The following FBXO25 variants were observed in gnomAD, a reference collection of about 807,000 sequenced individuals.
FBXO25 encodes F-box only protein 25.
A neutral mutation model predicts 51.9 loss-of-function variants in FBXO25; 45 were observed. The ratio of observed to expected loss-of-function variants is 0.87; its 90% confidence interval spans 0.68 to 1.11. The LOEUF is 1.11. Among genes scored for constraint, FBXO25 ranks in the 50% most tolerant of loss-of-function variants. The pLI is 0.00. For missense variants in FBXO25, 507 were observed against 428.5 expected (o/e 1.18, Z -1.62); for synonymous variants, 199 against 151.0 (o/e 1.32, Z -2.33).
At position 469,761 on chromosome 8, in the gene FBXO25, T is replaced by C. The variant is rs1800416545; in HGVS notation, c.*957T>C. The C allele has an allele frequency of 6.6e-6, 1 of 152,218 alleles. No individual in the cohort carries two copies. The highest frequency in any genetic ancestry group is 6.5e-5 in the Admixed American group (1 of 15,284). 9.4% of individuals were successfully genotyped at this position (152,218 alleles called of 1,614,324 possible). A position where few individuals can be genotyped will look rare whatever the true frequency, so the allele number is the denominator to read the frequency against. On this transcript the variant is annotated 3_prime_UTR_variant, in exon 10 of 10. Transcript: ENST00000350302. ...AAAAATCCCCTCAGCAGGCATAGGA[T>C]AGAAACGTATTGTTGTATATTTCCA...
At chr8:466,695 C>T (rs55753702) in intron 9 of FBXO25, among the ~76,000 whole-genome samples, 35,830 of 151,940 alleles carry the variant, frequency 0.24, 4,289 homozygotes, top group Middle Eastern at 0.33. Context: ...TGCTGTGGAG[C>T]CACTTCATCT....
In FBXO25 at chr8:469,074, A is replaced by G. The variant is rs950087501; in HGVS notation, c.*270A>G. 3.8e-5 allele frequency: 13 copies of G among 343,506 alleles called. No homozygotes were observed. The highest frequency in any genetic ancestry group is 8.5e-5 in the South Asian group (1 of 11,710). 21.3% of individuals were successfully genotyped at this position (343,506 alleles called of 1,614,324 possible). ...TTGCGTACTCTCTCTCTCTATATAT[A>G]TAGTTCAAAAATACTTTAGGTGGTC... is the stretch of plus-strand genomic sequence containing the variant. On this transcript the variant is annotated 3_prime_UTR_variant, in exon 10 of 10. Transcript: ENST00000350302.
rs530217681 is a variant in FBXO25 at position 475,854 on chromosome 8, T to G, written c.*7050T>G. On this transcript the variant is annotated 3_prime_UTR_variant, in exon 10 of 10. Coordinates refer to ENST00000350302, the MANE Select transcript of FBXO25 (RefSeq NM_183420.2). Reference sequence around the variant, plus strand: ...TCATCTGCAAACAGATAATTTTGCTTCTTCCTTTCCAGTCTGGATGCCTTT... The same window carrying G: ...TCATCTGCAAACAGATAATTTTGCTGCTTCCTTTCCAGTCTGGATGCCTTT... 2.5e-4 allele frequency: 38 copies of G among 152,302 alleles called. No homozygotes were observed. Among genetic ancestry groups the G allele is most frequent in the African/African-American group, 8.9e-4 (37 of 41,580 alleles). The allele number at this position is 152,302 out of a possible 1,614,324, so 9.4% of individuals were successfully genotyped here. A position where few individuals can be genotyped will look rare whatever the true frequency, so the allele number is the denominator to read the frequency against.
At chr8:410,547 C>G (rs1796426591) in intron 1 of FBXO25, among the ~76,000 whole-genome samples, 1 of 152,048 alleles carries the variant, frequency 6.6e-6, no homozygotes, top group African/African-American at 2.4e-5. Flanking sequence ...TTTTATGAGA[C>G]TCAAGGTGCC....
In FBXO25 at chr8:419,874, A is replaced by G. The variant is rs574690449; in HGVS notation, c.134+6661A>G. On this transcript the variant is annotated intron_variant, in intron 2 of 9. Transcript: ENST00000350302. ...ACATTTGTAAGTCACATATCTGACAAAGGGTTAGTATCCAGAATAATAAAG... is the reference window on the plus strand; with the variant it reads ...ACATTTGTAAGTCACATATCTGACAGAGGGTTAGTATCCAGAATAATAAAG... 2.9e-4 allele frequency among the ~76,000 whole-genome samples: 44 copies of G among 152,288 alleles called. No homozygotes were observed. The South Asian group carries it at 7.5e-3, about 26-fold the overall frequency.
At chr8:414,550 A>G (rs912921617) in intron 2 of FBXO25, among the ~76,000 whole-genome samples, 43 of 152,222 alleles carry the variant, frequency 2.8e-4, no homozygotes, top group Non-Finnish European at 1.0e-4. Flanking sequence ...TTTTTCCCTC[A>G]TGTATTCTTT....
chr8:440,924 T>G (rs1425318852), intron 5 of FBXO25, among the ~76,000 whole-genome samples: 1 of 145,610 alleles, frequency 6.9e-6, no homozygotes, highest in African/African-American at 2.6e-5. Flanking sequence ...AACTCATCCT[T>G]TTTTATGACT....
chr8:460,126 T>G (rs1799712963), intron 8 of FBXO25, among the ~76,000 whole-genome samples: 1 of 152,106 alleles, frequency 6.6e-6, no homozygotes, highest in Admixed American at 6.6e-5. Flanking sequence ...TGCCTCCCAG[T>G]TTGCCCTGGG....
At chr8:461,838 A>C (rs62483136) in intron 8 of FBXO25, among the ~76,000 whole-genome samples, 2 of 152,160 alleles carry the variant, frequency 1.3e-5, no homozygotes, top group African/African-American at 4.8e-5. Context: ...TCAGAGCTTC[A>C]TTCAAGACTG....
chr8:468,658 C>G lies in FBXO25; in HGVS notation c.988-57C>G, dbSNP rs964293837. The G allele has an allele frequency of 3.6e-5, 49 of 1,379,332 alleles. No homozygotes were observed. The African/African-American group carries it at 6.1e-4, about 17-fold the overall frequency. The allele number at this position is 1,379,332 out of a possible 1,614,324, so 85.4% of individuals were successfully genotyped here. ...CAGCTGACGACCCCTCAAGCACCATCACTAGAGTGTGGCTGGTGGTGGGGC... is the reference window on the plus strand; with the variant it reads ...CAGCTGACGACCCCTCAAGCACCATGACTAGAGTGTGGCTGGTGGTGGGGC... On this transcript the variant is annotated intron_variant, in intron 9 of 9. Coordinates refer to ENST00000350302, the MANE Select transcript of FBXO25 (RefSeq NM_183420.2).
rs1330848486 is a variant in FBXO25, at chr8:476,908, C to G, written c.*8104C>G. ...TGTAAATTTAGGGTTGACTTGAGATCTTAATTTGTTTAATAGGTGTATTTA... is the reference window on the plus strand; with the variant it reads ...TGTAAATTTAGGGTTGACTTGAGATGTTAATTTGTTTAATAGGTGTATTTA... On this transcript the variant is annotated 3_prime_UTR_variant, in exon 10 of 10. Transcript: ENST00000350302. The G allele has an allele frequency of 6.6e-6, 1 of 152,046 alleles. No homozygotes were observed. The highest frequency in any genetic ancestry group is 6.6e-5 in the Admixed American group (1 of 15,252). 9.4% of individuals were successfully genotyped at this position (152,046 alleles called of 1,614,324 possible).
chr8:424,706 GT>G (rs1797367293), intron 2 of FBXO25, among the ~76,000 whole-genome samples: 1 of 152,252 alleles, frequency 6.6e-6, no homozygotes, highest in Non-Finnish European at 1.5e-5. Context: ...TTTCTGTTCT[GT>G]TCATTGGTCT....
Position 475,301 on chromosome 8 carries a change from A to C in FBXO25, c.*6497A>C, listed in dbSNP as rs886071247. On this transcript the variant is annotated 3_prime_UTR_variant, in exon 10 of 10. Coordinates refer to ENST00000350302, the MANE Select transcript of FBXO25 (RefSeq NM_183420.2). Reference sequence around the variant, plus strand: ...TTGCTATTCTGTTCCATTGGTCTACATGACTGTCTTTGTTTCAATACAACA... The same window carrying C: ...TTGCTATTCTGTTCCATTGGTCTACCTGACTGTCTTTGTTTCAATACAACA... The C allele has an allele frequency of 4.3e-5, 8 of 185,642 alleles. No individual in the cohort carries two copies. The highest frequency in any genetic ancestry group is 1.7e-4 in the African/African-American group (7 of 41,694). The allele number at this position is 185,642 out of a possible 1,614,324, so 11.5% of individuals were successfully genotyped here. A position where few individuals can be genotyped will look rare whatever the true frequency, so the allele number is the denominator to read the frequency against.
At chr8:431,584 T>G in intron 3 of FBXO25, 140 bp downstream of exon 3, 1 of 517,128 alleles carries the variant, frequency 1.9e-6, no homozygotes, top group South Asian at 3.1e-5. Context: ...CCTACAGATT[T>G]AGTGATCAAA....
chr8:448,130 C>T (rs1413332741), intron 5 of FBXO25, among the ~76,000 whole-genome samples: 3 of 152,054 alleles, frequency 2.0e-5, no homozygotes, highest in Admixed American at 6.6e-5. Context: ...AGAGGGGTTC[C>T]AGCATATTTA....
At chr8:430,215 T>A (rs943096606) in intron 2 of FBXO25, among the ~76,000 whole-genome samples, 3 of 152,236 alleles carry the variant, frequency 2.0e-5, no homozygotes, top group African/African-American at 7.2e-5. Flanking sequence ...ATTCTAAAGC[T>A]TCTACATTCA....
chr8:442,648 T>G (rs1798499166), intron 5 of FBXO25, among the ~76,000 whole-genome samples: 1 of 151,758 alleles, frequency 6.6e-6, no homozygotes, highest in African/African-American at 2.4e-5. Flanking sequence ...TTTTGTAATT[T>G]TAGTAGAGAG....
intron 5 of FBXO25, among the ~76,000 whole-genome samples, chr8:443,009 G>A (rs1357959299): frequency 6.6e-6 from 1 of 152,074 alleles, no homozygotes; most frequent in Non-Finnish European, 1.5e-5. Context: ...ATTTGTTAAA[G>A]AAGGTCCAAG....
At chr8:468,412 G>A (rs1439519708) in intron 9 of FBXO25, 18 of 454,110 alleles carry the variant, frequency 4.0e-5, no homozygotes, top group African/African-American at 6.4e-5. Flanking sequence ...TGTAGATTCC[G>A]GGGCAGTGCA....
Sources: allele counts gnomAD v4.1 joint callset (sites outside exome capture counted in the v4.1 genomes callset), GRCh38; gene constraint gnomAD v4.1.1; transcripts MANE v1.5; gene names NCBI Gene and HGNC (gene_info 2026-07-23, HGNC 2026-07-21).